The following TOGARAM2 variants were observed in gnomAD, a reference collection of about 807,000 sequenced individuals.
TOGARAM2 encodes TOG array regulator of axonemal microtubules protein 2.
In TOGARAM2, 85 loss-of-function variants were observed where a neutral mutation model predicts 93.3. That is an observed-to-expected ratio of 0.91 (90% confidence interval 0.76 to 1.09). The LOEUF is 1.09. Ranked by LOEUF, TOGARAM2 falls within the 50% of genes least tolerant of loss-of-function variation. The pLI, the probability that TOGARAM2 is intolerant of heterozygous loss-of-function variation, is 0.00. For synonymous variants in TOGARAM2, 593 were observed against 552.8 expected, an observed-to-expected ratio of 1.07 and a Z score of -1.02; for missense variants, 1,277 against 1,334.5, an observed-to-expected ratio of 0.96 and a Z score of 0.67.
intron 11 of TOGARAM2, 60 bp downstream of exon 11, chr2:29,022,368 T>A: frequency 6.3e-7 from 1 of 1,586,378 alleles, no homozygotes; most frequent in Non-Finnish European, 8.6e-7. Flanking sequence ...TGTTGCAGAA[T>A]AGCTTCTGCC....
chr2:29,037,952 G>T (rs1666216662), intron 18 of TOGARAM2, among the ~76,000 whole-genome samples: 1 of 152,176 alleles, frequency 6.6e-6, no homozygotes, highest in East Asian at 1.9e-4. Flanking sequence ...GCTATTTGAA[G>T]AGGATAAGTA....
intron 19 of TOGARAM2, chr2:29,046,419 A>C (rs1361891581): frequency 1.3e-5 from 2 of 152,206 alleles, no homozygotes; most frequent in Non-Finnish European, 2.9e-5. Flanking sequence ...GGTCCCATCT[A>C]GGGAGGGGGG....
chr2:28,996,985 C>T (rs1673024148), intron 2 of TOGARAM2, among the ~76,000 whole-genome samples: 1 of 152,030 alleles, frequency 6.6e-6, no homozygotes, highest in Non-Finnish European at 1.5e-5. Flanking sequence ...CATGTCTTGG[C>T]TATTGTGAAT....
rs1234501087 is a variant in TOGARAM2, at chr2:28,956,649, G to A, written c.-195G>A. On this transcript the variant is annotated 5_prime_UTR_variant, in exon 1 of 7. Transcript: ENST00000401723. The surrounding 1 kb of genome is among the most constrained non-coding windows in gnomAD (Gnocchi z 4.5). ...CTGTTTCTCAGTAAAGTGAAGTTGC[G>A]GCGACCTCGTGCCTGCCTTATGTGC... The A allele has an allele frequency of 2.6e-5, 4 of 152,118 alleles. No individual in the cohort carries two copies. The highest frequency in any genetic ancestry group is 7.2e-5 in the African/African-American group (3 of 41,398). The allele number at this position is 152,118 out of a possible 1,614,324, so 9.4% of individuals were successfully genotyped here.
Position 28,983,181 on chromosome 2 carries a change from T to TAA in TOGARAM2, c.-111+1644_-111+1645insAA, listed in dbSNP as rs1357329336. 3.7e-3 allele frequency among the ~76,000 whole-genome samples: 122 copies of TAA among 32,574 alleles called. 2 individuals are homozygous for TAA. Among genetic ancestry groups the TAA allele is most frequent in the Non-Finnish European group, 4.6e-3 (59 of 12,930 alleles). The allele number at this position is 32,574 out of a possible 152,430, so 21.4% of individuals were successfully genotyped here. ...CTTTGTGTGTGTGTATATATAAATA[T>TAA]ATATATATATATATATATTTTTTTT... On this transcript the variant is annotated intron_variant, in intron 1 of 19. Transcript: ENST00000379558.
At chr2:29,034,459 C>T (rs1027362362) in intron 16 of TOGARAM2, among the ~76,000 whole-genome samples, 4 of 152,216 alleles carry the variant, frequency 2.6e-5, no homozygotes, top group Non-Finnish European at 2.9e-5. Flanking sequence ...GAGCTCCTAA[C>T]GGCAAAGGCT....
At chr2:29,043,647 T>C (rs1406871584) in intron 18 of TOGARAM2, among the ~76,000 whole-genome samples, 1 of 152,184 alleles carries the variant, frequency 6.6e-6, no homozygotes, top group East Asian at 1.9e-4. Flanking sequence ...CTCTGAAAAA[T>C]GCATTTTGTT....
chr2:28,977,025 G>A (rs1021611485), upstream of TOGARAM2, among the ~76,000 whole-genome samples: 2 of 152,124 alleles, frequency 1.3e-5, no homozygotes, highest in African/African-American at 2.4e-5. Context: ...CTGGGGGGGC[G>A]TGGCCTGTGA....
At chr2:29,029,264 T>TATACACAC (rs1553344446) in intron 14 of TOGARAM2, among the ~76,000 whole-genome samples, 1 of 147,880 alleles carries the variant, frequency 6.8e-6, no homozygotes, top group South Asian at 2.2e-4. Context: ...TATGTGTGTA[T>TATACACAC]ACACACACAC....
At chr2:29,009,822 G>T (rs1572697355) in intron 6 of TOGARAM2, among the ~76,000 whole-genome samples, 1 of 152,260 alleles carries the variant, frequency 6.6e-6, no homozygotes, top group African/African-American at 2.4e-5. Flanking sequence ...CTGAGCGGTG[G>T]TGGGTTTTCT....
chr2:28,969,890 A>G (rs1469122481), intron 1 of TOGARAM2, among the ~76,000 whole-genome samples: 1 of 137,596 alleles, frequency 7.3e-6, no homozygotes, highest in African/African-American at 2.8e-5. Context: ...TCAGCTCACC[A>G]CAACCTCTGC....
chr2:29,004,895 TGTGA>T (rs1673549331), intron 6 of TOGARAM2, among the ~76,000 whole-genome samples: 2 of 145,288 alleles, frequency 1.4e-5, no homozygotes, highest in Non-Finnish European at 3.0e-5. Flanking sequence ...TGTGTACATG[TGTGA>T]GTGCATGTGT....
chr2:29,011,645 C>G (rs1558431163), intron 7 of TOGARAM2, 144 bp downstream of exon 7: 2 of 835,824 alleles, frequency 2.4e-6, no homozygotes, highest in African/African-American at 3.6e-5. Flanking sequence ...GCTGAAGTCA[C>G]CGGAGGTCTA....
chr2:28,978,698 C>T (rs2148230072), upstream of TOGARAM2, among the ~76,000 whole-genome samples: 1 of 152,246 alleles, frequency 6.6e-6, no homozygotes, highest in Non-Finnish European at 1.5e-5. Context: ...CTCTTCCCAG[C>T]TTGTGATTCT....
At chr2:29,044,959 T>G (rs987035000) in intron 18 of TOGARAM2, among the ~76,000 whole-genome samples, 1 of 152,056 alleles carries the variant, frequency 6.6e-6, no homozygotes, top group Non-Finnish European at 1.5e-5. Flanking sequence ...CTCCAACATC[T>G]TCTCTCCATC....
intron 14 of TOGARAM2, among the ~76,000 whole-genome samples, chr2:29,030,236 A>G (rs1376230718): frequency 1.3e-5 from 2 of 152,198 alleles, no homozygotes; most frequent in South Asian, 2.1e-4. Context: ...AAATAGGGCC[A>G]TTACACTCCC....
At chr2:29,049,591 C>T (rs2148403208) in intron 19 of TOGARAM2, 1 of 152,412 alleles carries the variant, frequency 6.6e-6, no homozygotes, top group Non-Finnish European at 1.5e-5. Flanking sequence ...TCATCTCCCA[C>T]CCTGGGGCTG....
rs117699821 is a variant in TOGARAM2 at position 29,039,100 on chromosome 2, C to T, written c.2635+2343C>T. 2.7e-3 allele frequency among the ~76,000 whole-genome samples: 416 copies of T among 152,198 alleles called. 2 individuals carry two copies. The East Asian group carries it at 0.032, about 12-fold the overall frequency. On this transcript the variant is annotated intron_variant, in intron 18 of 19. Coordinates refer to ENST00000379558, the MANE Select transcript of TOGARAM2 (RefSeq NM_199280.4). Reference sequence around the variant, plus strand: ...GCAGCAGAGAGTGCATCAAATCGGACGGAAGAGAAGGGGTATGAAGTCTTC... The same window carrying T: ...GCAGCAGAGAGTGCATCAAATCGGATGGAAGAGAAGGGGTATGAAGTCTTC...
At position 29,017,902 on chromosome 2, in the gene TOGARAM2, C is replaced by G. The variant is rs1472584002; in HGVS notation, c.1306C>G (p.Leu436Val). ...GAGGAAGTGGGCCAGCCGGGCCTCC[C>G]TGCCCAGCATCCCCATCAGCCGGCA... is the stretch of plus-strand genomic sequence containing the variant. ...ILRKWASRASLPSIPISRQEP... is the reference protein window; with the variant it reads ...ILRKWASRASVPSIPISRQEP... Residue 436 changes from leucine (L) to valine (V), a missense_variant, in exon 10 of 20, where the codon CTG (leucine) becomes GTG (valine). Leu to Val is a conservative substitution (Grantham distance 32). Transcript: ENST00000379558. The G allele has an allele frequency of 6.2e-7, 1 of 1,612,258 alleles. No homozygotes were observed. The highest frequency in any genetic ancestry group is 2.2e-5 in the East Asian group (1 of 44,814).
Sources: gnomAD v4.1 joint callset for allele counts (sites outside exome capture counted in the v4.1 genomes callset) on GRCh38, gnomAD v4.1.1 for gene constraint, Gnocchi (gnomAD v3.1) non-coding constraint, MANE v1.5 for transcripts, NCBI Gene and HGNC (gene_info 2026-07-23, HGNC 2026-07-21) for gene names.